RPS6KA2: variants seen among roughly 807,000 people sequenced by gnomAD.
RPS6KA2 encodes ribosomal protein S6 kinase A2.
In RPS6KA2, 42 loss-of-function variants were observed where a neutral mutation model predicts 91.8. That is an observed-to-expected ratio of 0.46 (90% CI 0.36 to 0.59). The LOEUF (loss-of-function observed/expected upper bound fraction) is 0.59. Ranked by LOEUF, RPS6KA2 falls within the 20% of genes least tolerant of loss-of-function variation. The pLI, the probability that RPS6KA2 is intolerant of heterozygous loss-of-function variation, is 0.00. For synonymous variants in RPS6KA2, 414 were observed against 393.6 expected, an observed-to-expected ratio of 1.05 and a Z score of -0.61; for missense variants, 798 against 978.5, an observed-to-expected ratio of 0.82 and a Z score of 2.46.
intron 2 of RPS6KA2, among the ~76,000 whole-genome samples, chr6:166,785,624 C>G (rs950652763): frequency 3.9e-5 from 6 of 152,204 alleles, no homozygotes; most frequent in Non-Finnish European, 2.9e-5. Context: ...GCTGTTGAAC[C>G]TAAGACTGAA....
intron 2 of RPS6KA2, among the ~76,000 whole-genome samples, chr6:166,633,764 A>G (rs1040291829): frequency 1.3e-5 from 2 of 152,230 alleles, no homozygotes; most frequent in Non-Finnish European, 2.9e-5. Flanking sequence ...TTCACGTATC[A>G]TGCATTTCAT....
rs138117975 is a variant in RPS6KA2, at chr6:166,434,572, C to T, written c.1333-2082G>A. Reference sequence around the variant, plus strand: ...TGCTCCTGTCTGCCTGTGGGCATCCCGTCTATCGGGGCCGGGATCCTGTCT... The same window carrying T: ...TGCTCCTGTCTGCCTGTGGGCATCCTGTCTATCGGGGCCGGGATCCTGTCT... On this transcript the variant is annotated intron_variant, in intron 14 of 20. Coordinates refer to ENST00000265678, the MANE Select transcript of RPS6KA2 (RefSeq NM_021135.6). The surrounding 1 kb of genome is among the most constrained non-coding windows in gnomAD (Gnocchi z 4.4). Among the ~76,000 whole-genome samples, 444 of 152,248 alleles carry T rather than the reference C, an allele frequency of 2.9e-3. 2 individuals are homozygous for T. Among genetic ancestry groups the T allele is most frequent in the African/African-American group, 9.9e-3 (410 of 41,540 alleles).
At chr6:166,615,525 G>T (rs1037364211) in intron 1 of RPS6KA2, among the ~76,000 whole-genome samples, 1 of 152,074 alleles carries the variant, frequency 6.6e-6, no homozygotes, top group Non-Finnish European at 1.5e-5. Flanking sequence ...CAGTCACATC[G>T]GAAGGACCTG....
In RPS6KA2 at chr6:166,801,736, C is replaced by T. The variant is rs148389362; in HGVS notation, c.123+56464G>A. 1.9e-3 allele frequency among the ~76,000 whole-genome samples: 288 copies of T among 152,230 alleles called. 1 individual carries two copies. Among genetic ancestry groups the T allele is most frequent in the African/African-American group, 6.7e-3 (279 of 41,538 alleles). ...TTTTACCTTTATTTAAAATGTTCTG[C>T]ATAAATATATTCATGCACATAATTT... On this transcript the variant is annotated intron_variant, in intron 2 of 21. Coordinates refer to the RPS6KA2 transcript ENST00000503859.
At position 166,490,923 on chromosome 6, in the gene RPS6KA2, G is replaced by T. The variant is rs1363408440; in HGVS notation, c.748-182C>A. On this transcript the variant is annotated intron_variant, in intron 8 of 20. Transcript: ENST00000265678. This position sits in a 1 kb window ranked among gnomAD's most constrained non-coding sequence, Gnocchi z 4.2. ...ACAGTGACTAAAACTGCCTCGCAGA[G>T]CTTGCCATTTGGTGGGTGAGACGGG... is the stretch of plus-strand genomic sequence containing the variant. 6.6e-6 allele frequency among the ~76,000 whole-genome samples: 1 copy of T among 152,248 alleles called. No individual in the cohort carries two copies. Among genetic ancestry groups the T allele is most frequent in the Non-Finnish European group, 1.5e-5 (1 of 68,048 alleles).
At chr6:166,527,618 T>A (rs183398720) in intron 3 of RPS6KA2, among the ~76,000 whole-genome samples, 1 of 152,298 alleles carries the variant, frequency 6.6e-6, no homozygotes, top group Admixed American at 6.5e-5. Flanking sequence ...TTCAATGGTT[T>A]TTAGGATATT....
Position 166,598,929 on chromosome 6 carries a change from C to G in RPS6KA2, c.99+27992G>C, listed in dbSNP as rs191189595. 1.1e-3 allele frequency among the ~76,000 whole-genome samples: 162 copies of G among 152,326 alleles called. 1 individual carries two copies. Among genetic ancestry groups the G allele is most frequent in the Non-Finnish European group, 1.2e-3 (82 of 68,034 alleles). On this transcript the variant is annotated intron_variant, in intron 1 of 20. Coordinates refer to ENST00000265678, the MANE Select transcript of RPS6KA2 (RefSeq NM_021135.6). ...AGTGGTCCTCCAGGTGGGGTTGAAA[C>G]AGTGGGGTGTCCGATGCCCAGGCAG...
chr6:166,772,091 T>G (rs963988529), intron 2 of RPS6KA2, among the ~76,000 whole-genome samples: 1 of 152,254 alleles, frequency 6.6e-6, no homozygotes, highest in Non-Finnish European at 1.5e-5. Context: ...CTTTACCACT[T>G]GTTTTTGCCA....
chr6:166,767,755 T>G lies in RPS6KA2; in HGVS notation c.123+90445A>C, dbSNP rs986814615. ...TATTGTTTCCCAAATTATTAAGAAC[T>G]AAAGACAATACCTCCTCAAACACAC... On this transcript the variant is annotated intron_variant, in intron 2 of 21. Transcript: ENST00000503859. The surrounding 1 kb of genome is among the most constrained non-coding windows in gnomAD (Gnocchi z 4.6). Among the ~76,000 whole-genome samples the G allele has an allele frequency of 2.0e-5, 3 of 149,088 alleles. No homozygotes were observed. Among genetic ancestry groups the G allele is most frequent in the Non-Finnish European group, 4.4e-5 (3 of 67,676 alleles).
chr6:166,843,784 C>T lies in RPS6KA2; in HGVS notation c.123+14416G>A, dbSNP rs552939852. 7.8e-4 allele frequency among the ~76,000 whole-genome samples: 118 copies of T among 152,252 alleles called. 2 individuals are homozygous for T. The South Asian group carries it at 9.1e-3, about 12-fold the overall frequency. Reference sequence around the variant, plus strand: ...AATCTGAAAAGCAGGTCTTGAGTCCCAGATCTTCCCTCAGACATAGTCTAC... The same window carrying T: ...AATCTGAAAAGCAGGTCTTGAGTCCTAGATCTTCCCTCAGACATAGTCTAC... On this transcript the variant is annotated intron_variant, in intron 2 of 21. Transcript: ENST00000503859.
intron 2 of RPS6KA2, among the ~76,000 whole-genome samples, chr6:166,803,804 A>G (rs1471544511): frequency 1.3e-5 from 2 of 152,360 alleles, no homozygotes; most frequent in Non-Finnish European, 2.9e-5. Context: ...TGCCTCTTAG[A>G]TATTCCATAG....
chr6:166,598,859 C>G (rs1785632019), intron 1 of RPS6KA2, among the ~76,000 whole-genome samples: 1 of 152,220 alleles, frequency 6.6e-6, no homozygotes, highest in Non-Finnish European at 1.5e-5. Flanking sequence ...TATTCCACAG[C>G]TGATCAGGAC....
intron 2 of RPS6KA2, among the ~76,000 whole-genome samples, chr6:166,743,794 G>A (rs752129077): frequency 3.3e-5 from 5 of 152,196 alleles, no homozygotes; most frequent in African/African-American, 4.8e-5. Context: ...CTGGTGGTCA[G>A]TGCACAGCAG....
intron 2 of RPS6KA2, among the ~76,000 whole-genome samples, chr6:166,854,969 CAAGAAA>C (rs1780848349): frequency 6.6e-6 from 1 of 152,094 alleles, no homozygotes; most frequent in Non-Finnish European, 1.5e-5. Flanking sequence ...AGAATTCAAT[CAAGAAA>C]ATGTGATACA....
intron 2 of RPS6KA2, among the ~76,000 whole-genome samples, chr6:166,652,459 C>T (rs933160529): frequency 1.3e-5 from 2 of 152,154 alleles, no homozygotes; most frequent in Admixed American, 6.5e-5. Context: ...ACCTTATTCT[C>T]TTCGGGGAAC....
chr6:166,552,742 T>G (rs1226603359), intron 1 of RPS6KA2, among the ~76,000 whole-genome samples: 1 of 152,348 alleles, frequency 6.6e-6, no homozygotes, highest in African/African-American at 2.4e-5. Context: ...ATTTGGAAAC[T>G]TGGTTAGGAA....
intron 2 of RPS6KA2, among the ~76,000 whole-genome samples, chr6:166,747,817 A>T (rs527348198): frequency 6.6e-6 from 1 of 152,262 alleles, no homozygotes; most frequent in East Asian, 1.9e-4. Flanking sequence ...CTTCCTTTCC[A>T]ATGCAAACGA....
chr6:166,835,545 A>G (rs980336697), intron 2 of RPS6KA2, among the ~76,000 whole-genome samples: 26 of 152,280 alleles, frequency 1.7e-4, no homozygotes, highest in African/African-American at 5.8e-4. Context: ...TCAATTTCTC[A>G]TTTTTGTTTC....
intron 1 of RPS6KA2, among the ~76,000 whole-genome samples, chr6:166,556,681 C>T (rs1370170193): frequency 2.6e-5 from 4 of 152,148 alleles, no homozygotes; most frequent in African/African-American, 9.7e-5. Flanking sequence ...TTTCCCACCA[C>T]AATAATAAAA....
Sources: gnomAD v4.1 joint callset for allele counts (sites outside exome capture counted in the v4.1 genomes callset) on GRCh38, gnomAD v4.1.1 for gene constraint, Gnocchi (gnomAD v3.1) non-coding constraint, MANE v1.5 for transcripts, NCBI Gene and HGNC (gene_info 2026-07-23, HGNC 2026-07-21) for gene names.